The following ACSM1 variants were observed in gnomAD, a reference collection of about 807,000 sequenced individuals.
ACSM1 encodes the protein acyl-CoA synthetase medium chain family member 1.
ACSM1 carries 79 observed loss-of-function variants against 75.8 expected under a neutral mutation model. That is an observed-to-expected ratio of 1.04 (90% CI 0.87 to 1.26). ACSM1 has a LOEUF of 1.26. Among genes scored for constraint, ACSM1 ranks in the 50% most tolerant of loss-of-function variants. The pLI is 0.00. For missense variants in ACSM1, 676 were observed against 720.1 expected (o/e 0.94, Z 0.70); for synonymous variants, 279 against 265.8 (o/e 1.05, Z -0.48).
intron 11 of ACSM1, among the ~76,000 whole-genome samples, chr16:20,626,934 C>A (rs190447656): frequency 1.6e-4 from 25 of 152,174 alleles, no homozygotes; most frequent in Admixed American, 9.2e-4. Flanking sequence ...CCACTCCCCC[C>A]ACCCCACTGT....
rs141374944 is a variant in ACSM1, at chr16:20,675,465, G to A, written c.612-3794C>T. ...AAAGGCACGTTCCTGGCTAAGCAGCGTCTGAAACTCCTGTAATAGGACCCA... is the reference window on the plus strand; with the variant it reads ...AAAGGCACGTTCCTGGCTAAGCAGCATCTGAAACTCCTGTAATAGGACCCA... On this transcript the variant is annotated intron_variant, in intron 4 of 13. Transcript: ENST00000520010. Among the ~76,000 whole-genome samples the A allele has an allele frequency of 6.5e-3, 986 of 152,258 alleles. 25 individuals are homozygous for A. Among genetic ancestry groups the A allele is most frequent in the Admixed American group, 0.044 (669 of 15,302 alleles).
chr16:20,638,650 G>T (rs756746242), intron 8 of ACSM1, among the ~76,000 whole-genome samples: 3 of 152,162 alleles, frequency 2.0e-5, no homozygotes, highest in Non-Finnish European at 4.4e-5. Flanking sequence ...ATTTAAAGGT[G>T]GGGGAGCTGA....
rs564768598 is a variant in ACSM1, at chr16:20,640,505, G to A, written c.1072C>T (p.Arg358Trp). 321 of 1,614,112 alleles carry A rather than the reference G, an allele frequency of 2.0e-4. 6 individuals are homozygous for A. The South Asian group carries it at 3.0e-3, about 15-fold the overall frequency. Residue 358 changes from arginine to tryptophan, a missense_variant, in exon 8 of 14, where the codon CGG becomes TGG. Coordinates refer to ENST00000520010, the MANE Select transcript of ACSM1 (RefSeq NM_001318890.3). ...LPKDQEEWKR[R>W]TGLLLYENYG... ...TTCTCGTAGAGCAGAAGGCCCGTCCGTCTTTTCCACTCCTCCTGATCCTTG... is the reference window on the plus strand; with the variant it reads ...TTCTCGTAGAGCAGAAGGCCCGTCCATCTTTTCCACTCCTCCTGATCCTTG...
intron 4 of ACSM1, among the ~76,000 whole-genome samples, chr16:20,678,768 T>A (rs2079370493): frequency 6.6e-6 from 1 of 152,206 alleles, no homozygotes; most frequent in Non-Finnish European, 1.5e-5. Flanking sequence ...GCGAAGAGCA[T>A]GAACCAGACA....
At chr16:20,625,218 A>G (rs985499989) in intron 12 of ACSM1, among the ~76,000 whole-genome samples, 1 of 152,198 alleles carries the variant, frequency 6.6e-6, no homozygotes, top group Non-Finnish European at 1.5e-5. Context: ...GATTTGGCAT[A>G]TATAAGTGCT....
chr16:20,635,177 T>C (rs2017591070), intron 10 of ACSM1, among the ~76,000 whole-genome samples: 1 of 152,130 alleles, frequency 6.6e-6, no homozygotes, highest in Non-Finnish European at 1.5e-5. Context: ...GGGGGGTTAC[T>C]TGTGCCCAGG....
At chr16:20,640,721 G>T in intron 7 of ACSM1, 137 bp from the exon 8 acceptor site, 2 of 1,427,082 alleles carry the variant, frequency 1.4e-6, no homozygotes, top group Non-Finnish European at 1.9e-6. Context: ...TTTTACAGTT[G>T]GCCATGGCCA....
intron 2 of ACSM1, among the ~76,000 whole-genome samples, chr16:20,687,665 T>G (rs917424818): frequency 6.6e-6 from 1 of 152,172 alleles, no homozygotes; most frequent in South Asian, 2.1e-4. Context: ...GCAAAGATTT[T>G]AAATCAATTG....
At chr16:20,636,629 T>A in intron 10 of ACSM1, 110 bp downstream of exon 10, 1 of 758,360 alleles carries the variant, frequency 1.3e-6, no homozygotes, top group East Asian at 2.5e-5. Flanking sequence ...GAAAACTCAT[T>A]CATTTCATTG....
intron 2 of ACSM1, among the ~76,000 whole-genome samples, chr16:20,686,197 C>T (rs1386153298): frequency 6.6e-6 from 1 of 151,894 alleles, no homozygotes; most frequent in Non-Finnish European, 1.5e-5. Context: ...TACTTAATTG[C>T]TAAATTTTTG....
At chr16:20,638,955 C>T (rs748324913) in intron 8 of ACSM1, among the ~76,000 whole-genome samples, 14 of 152,128 alleles carry the variant, frequency 9.2e-5, no homozygotes, top group Non-Finnish European at 1.9e-4. Context: ...AACATAGGCC[C>T]GAAGTGTCAG....
chr16:20,635,628 CTTTCT>C (rs1567251922), intron 10 of ACSM1, among the ~76,000 whole-genome samples: 37 of 134,350 alleles, frequency 2.8e-4, no homozygotes, highest in Non-Finnish European at 5.9e-4. Flanking sequence ...TTCTTTCTTT[CTTTCT>C]TTCTTTCTTT....
intron 9 of ACSM1, chr16:20,637,083 A>C: frequency 1.4e-6 from 1 of 723,790 alleles, no homozygotes; most frequent in Admixed American, 1.8e-5. Context: ...AACAGTGATC[A>C]AAAAAAATGA....
Position 20,623,349 on chromosome 16 carries a change from C to T in ACSM1, c.*137G>A. 1 of 697,170 alleles carries T rather than the reference C, an allele frequency of 1.4e-6. No homozygotes were observed. Among genetic ancestry groups the T allele is most frequent in the Non-Finnish European group, 2.4e-6 (1 of 408,954 alleles). The allele number at this position is 697,170 out of a possible 1,614,324, so 43.2% of individuals were successfully genotyped here. On this transcript the variant is annotated 3_prime_UTR_variant, in exon 14 of 14. Transcript: ENST00000520010. Reference sequence around the variant, plus strand: ...TGAATTTAATTTAAAAGAAGGAAAACATTGGAATCATGGCACTCCTGATAC... The same window carrying T: ...TGAATTTAATTTAAAAGAAGGAAAATATTGGAATCATGGCACTCCTGATAC...
chr16:20,627,869 C>CATATATATATAT (rs61366465), intron 10 of ACSM1, among the ~76,000 whole-genome samples: 2 of 77,550 alleles, frequency 2.6e-5, no homozygotes, highest in Non-Finnish European at 2.4e-5. Context: ...TGTATGTATA[C>CATATATATATAT]ATATATATAT....
chr16:20,695,186 C>T (rs936781114), intron 1 of ACSM1, among the ~76,000 whole-genome samples: 1 of 152,192 alleles, frequency 6.6e-6, no homozygotes, highest in Non-Finnish European at 1.5e-5. Flanking sequence ...GCTGAAACAG[C>T]ATGGCCCTAG....
At chr16:20,674,157 T>C (rs1170665340) in intron 4 of ACSM1, 1 of 426,384 alleles carries the variant, frequency 2.3e-6, no homozygotes, top group African/African-American at 2.1e-5. Flanking sequence ...CTCAGTTGTA[T>C]GTAAGAAAAC....
At chr16:20,651,259 A>G (rs760938360) in intron 7 of ACSM1, among the ~76,000 whole-genome samples, 6 of 152,044 alleles carry the variant, frequency 3.9e-5, no homozygotes. Context: ...TTATGAGTCT[A>G]TGTGATGTGC....
At chr16:20,667,881 T>C (rs1189220238) in intron 6 of ACSM1, among the ~76,000 whole-genome samples, 2 of 152,232 alleles carry the variant, frequency 1.3e-5, no homozygotes, top group Non-Finnish European at 2.9e-5. Flanking sequence ...GCTGTTATCC[T>C]AAGTAAATTT....
Sources: allele counts gnomAD v4.1 joint callset (sites outside exome capture counted in the v4.1 genomes callset), GRCh38; gene constraint gnomAD v4.1.1; transcripts MANE v1.5; gene names NCBI Gene and HGNC (gene_info 2026-07-23, HGNC 2026-07-21).